CTBP2: variants seen among roughly 807,000 people sequenced by gnomAD.
The protein encoded by CTBP2 is C-terminal-binding protein 2.
In CTBP2, 30 loss-of-function variants were observed where a neutral mutation model predicts 80.3. The observed-to-expected ratio is 0.37, with a 90% CI of 0.28 to 0.51. The LOEUF (loss-of-function observed/expected upper bound fraction) is 0.51, where lower values mean the gene tolerates loss of function less well. CTBP2 is among the 20% of genes least tolerant of loss of function. CTBP2 has a pLI of 0.93. For synonymous variants in CTBP2, 594 were observed against 587.4 expected (o/e 1.01, Z -0.16); for missense variants, 1,212 against 1,375.3 (o/e 0.88, Z 1.88).
intron 2 of CTBP2, among the ~76,000 whole-genome samples, chr10:125,078,618 G>A (rs545092793): frequency 4.6e-5 from 7 of 151,768 alleles, no homozygotes; most frequent in South Asian, 2.1e-4. Context: ...GAGTTGACAC[G>A]AGGTCACAGA....
intron 1 of CTBP2, among the ~76,000 whole-genome samples, chr10:125,009,273 C>T (rs1590041969): frequency 1.3e-5 from 2 of 152,220 alleles, no homozygotes; most frequent in Non-Finnish European, 2.9e-5. Context: ...AAGCGATTCA[C>T]GGCTTCATCA....
intron 2 of CTBP2, among the ~76,000 whole-genome samples, chr10:125,077,767 A>G (rs35354883): frequency 0.15 from 22,861 of 152,016 alleles, 1,814 homozygotes; most frequent in Middle Eastern, 0.24. Context: ...TGCCCACGGG[A>G]CCCCTGGCCC....
chr10:125,145,594 A>G (rs776387978), intron 1 of CTBP2, among the ~76,000 whole-genome samples: 14 of 152,190 alleles, frequency 9.2e-5, no homozygotes, highest in Non-Finnish European at 1.3e-4. Context: ...CCTGCTAGGA[A>G]GAAGAAGGCA....
At chr10:125,148,688 T>G (rs1182559581) in intron 1 of CTBP2, among the ~76,000 whole-genome samples, 1 of 152,080 alleles carries the variant, frequency 6.6e-6, no homozygotes, top group Non-Finnish European at 1.5e-5. Context: ...ACCACAGGAG[T>G]GTCTTCCTTT....
At chr10:125,107,712 G>C (rs536994622) in intron 2 of CTBP2, among the ~76,000 whole-genome samples, 1 of 152,276 alleles carries the variant, frequency 6.6e-6, no homozygotes, top group South Asian at 2.1e-4. Context: ...TGAGTTTCCA[G>C]CACTGTGTCA....
chr10:125,004,422 C>T (rs1465851554), intron 1 of CTBP2, among the ~76,000 whole-genome samples: 1 of 152,154 alleles, frequency 6.6e-6, no homozygotes, highest in Non-Finnish European at 1.5e-5. Flanking sequence ...CTCCGAAGAC[C>T]TCAGAGACAG....
chr10:124,993,453 C>T (rs1037431246), intron 6 of CTBP2, 124 bp from the exon 9 acceptor site: 2 of 1,081,418 alleles, frequency 1.8e-6, no homozygotes, highest in African/African-American at 1.6e-5. Flanking sequence ...GATACAGGAA[C>T]ATCTGTGATG....
intron 2 of CTBP2, among the ~76,000 whole-genome samples, chr10:125,068,794 A>T (rs956907664): frequency 2.9e-4 from 44 of 152,190 alleles, no homozygotes; most frequent in African/African-American, 1.1e-3. Context: ...GCAGGGCTGC[A>T]GGAGGTACTC....
At chr10:125,131,984 C>CA (rs1267401270) in intron 1 of CTBP2, among the ~76,000 whole-genome samples, 1 of 152,172 alleles carries the variant, frequency 6.6e-6, no homozygotes, top group Non-Finnish European at 1.5e-5. Flanking sequence ...CTGCCATACT[C>CA]ACCTTCTGTC....
chr10:125,036,552 T>G (rs1590232049), intron 3 of CTBP2, among the ~76,000 whole-genome samples: 3 of 151,626 alleles, frequency 2.0e-5, no homozygotes, highest in African/African-American at 7.3e-5. Context: ...CTGTGTCAGG[T>G]GTAGGCAGTG....
At chr10:125,136,513 AG>A (rs1856995768) in intron 1 of CTBP2, among the ~76,000 whole-genome samples, 1 of 152,212 alleles carries the variant, frequency 6.6e-6, no homozygotes, top group Non-Finnish European at 1.5e-5. Flanking sequence ...CTTGAGTTGA[AG>A]AAAGGCCCTC....
intron 1 of CTBP2, among the ~76,000 whole-genome samples, chr10:125,141,333 C>T (rs1036349034): frequency 1.3e-5 from 2 of 152,062 alleles, no homozygotes; most frequent in African/African-American, 2.4e-5. Context: ...TCCTATTTGA[C>T]GCATAAGGAG....
At chr10:125,143,774 T>C (rs1858261247) in intron 1 of CTBP2, among the ~76,000 whole-genome samples, 1 of 152,166 alleles carries the variant, frequency 6.6e-6, no homozygotes, top group South Asian at 2.1e-4. Flanking sequence ...AACAGATAGG[T>C]ATTCTTCATA....
intron 1 of CTBP2, among the ~76,000 whole-genome samples, chr10:125,006,465 G>C (rs1955255068): frequency 6.6e-6 from 1 of 152,196 alleles, no homozygotes; most frequent in South Asian, 2.1e-4. Flanking sequence ...TGCTCCTTCA[G>C]TCCCAGAAGG....
chr10:125,160,245 G>C (rs1047342071), intron 1 of CTBP2, 74 bp downstream of exon 1: 2 of 151,932 alleles, frequency 1.3e-5, no homozygotes, highest in African/African-American at 4.9e-5. Flanking sequence ...GCGCGGGCGC[G>C]GCGCCCCCAG....
chr10:125,055,302 C>A (rs780556395), intron 2 of CTBP2, among the ~76,000 whole-genome samples: 1 of 152,166 alleles, frequency 6.6e-6, no homozygotes, highest in African/African-American at 2.4e-5. Context: ...CACCATGAGC[C>A]GAGGCAGGAG....
At chr10:125,085,022 C>G (rs912973652) in intron 2 of CTBP2, among the ~76,000 whole-genome samples, 1 of 152,162 alleles carries the variant, frequency 6.6e-6, no homozygotes, top group South Asian at 2.1e-4. Context: ...GGGCAAAACC[C>G]AAAGATGACC....
At chr10:125,081,336 C>T (rs1847140165) in intron 2 of CTBP2, among the ~76,000 whole-genome samples, 1 of 152,184 alleles carries the variant, frequency 6.6e-6, no homozygotes, top group African/African-American at 2.4e-5. Flanking sequence ...CTTATTGGGA[C>T]TACTGGCAAA....
rs145446093 is a variant in CTBP2, at chr10:125,027,537, C to T, written c.223G>A (p.Val75Ile). 1.9e-5 allele frequency: 31 copies of T among 1,614,166 alleles called. No homozygotes were observed. In the Middle Eastern group the frequency reaches 9.9e-4, roughly 52 times the overall value. ...TTTCTTGCAGCCACTGAGTTATAAACGGCCTCCCGGTACAGGTAGGGCTCG... is the reference window on the plus strand; with the variant it reads ...TTTCTTGCAGCCACTGAGTTATAAATGGCCTCCCGGTACAGGTAGGGCTCG... The change falls in exon 1 of 9, where the codon GTT becomes ATT. Residue 75 changes from valine (V) to isoleucine (I), a missense_variant. Coordinates refer to ENST00000309035, the MANE Select transcript of CTBP2 (RefSeq NM_022802.3).
Sources: allele counts gnomAD v4.1 joint callset (sites outside exome capture counted in the v4.1 genomes callset), GRCh38; gene constraint gnomAD v4.1.1; transcripts MANE v1.5; gene names NCBI Gene and HGNC (gene_info 2026-07-23, HGNC 2026-07-21).